The following NEBL variants were observed in gnomAD, a reference collection of about 807,000 sequenced individuals.
NEBL encodes the protein nebulette.
A neutral mutation model predicts 140.2 loss-of-function variants in NEBL; 122 were observed. The ratio of observed to expected loss-of-function variants is 0.87; its 90% CI spans 0.75 to 1.01. The LOEUF (loss-of-function observed/expected upper bound fraction) is 1.01, where lower values mean the gene tolerates loss of function less well. Among genes scored for constraint, NEBL ranks in the 50% least tolerant of loss-of-function variants. The pLI is 0.00. For synonymous variants in NEBL, 436 were observed against 398.9 expected (o/e 1.09, Z -1.11); for missense variants, 1,365 against 1,231.3 (o/e 1.11, Z -1.62).
At chr10:21,281,474 TTTTC>T (rs1330719813) in intron 1 of NEBL, among the ~76,000 whole-genome samples, 1 of 125,348 alleles carries the variant, frequency 8.0e-6, no homozygotes, top group Non-Finnish European at 1.7e-5. Context: ...TTGTCTTTCC[TTTTC>T]TTTCTTTCTT....
chr10:21,178,429 C>A (rs997963009), upstream of NEBL, among the ~76,000 whole-genome samples: 1 of 152,060 alleles, frequency 6.6e-6, no homozygotes, highest in African/African-American at 2.4e-5. Flanking sequence ...ACTCTAGATA[C>A]CATGGAAGAA....
intron 2 of NEBL, among the ~76,000 whole-genome samples, chr10:21,083,832 T>C (rs1836496268): frequency 6.6e-6 from 1 of 151,964 alleles, no homozygotes; most frequent in Non-Finnish European, 1.5e-5. Flanking sequence ...GTGACAAATG[T>C]GCAAATGTGC....
intron 4 of NEBL, among the ~76,000 whole-genome samples, chr10:20,923,628 G>A (rs1295964048): frequency 4.5e-5 from 5 of 110,880 alleles, no homozygotes; most frequent in Admixed American, 2.8e-4. Flanking sequence ...GCAGTGAGCC[G>A]AAATCATACC....
At chr10:21,223,184 A>G (rs943409900) in intron 3 of NEBL, among the ~76,000 whole-genome samples, 3 of 152,166 alleles carry the variant, frequency 2.0e-5, no homozygotes, top group African/African-American at 7.2e-5. Flanking sequence ...AATCAGTCCC[A>G]CTTTCCCCCA....
chr10:20,992,754 A>G (rs1837512133), intron 3 of NEBL, among the ~76,000 whole-genome samples: 1 of 143,996 alleles, frequency 6.9e-6, no homozygotes, highest in African/African-American at 2.6e-5. Flanking sequence ...AGTCATTTGC[A>G]ACTACAAAGT....
rs1186186502 is a variant in NEBL at position 20,783,635 on chromosome 10, C to T, written c.*2112G>A. 1 of 152,532 alleles carries T rather than the reference C, an allele frequency of 6.6e-6. No individual in the cohort carries two copies. The highest frequency in any genetic ancestry group is 1.9e-4 in the East Asian group (1 of 5,192). 9.4% of individuals were successfully genotyped at this position (152,532 alleles called of 1,614,324 possible). A position where few individuals can be genotyped will look rare whatever the true frequency, so the allele number is the denominator to read the frequency against. The stretch of plus-strand genomic sequence containing the variant: ...CCTATATTTAGTCTGAAAATTTAAT[C>T]AACAACTACTCTTTCTTATAATCAC... On this transcript the variant is annotated 3_prime_UTR_variant, in exon 28 of 28. Transcript: ENST00000377122.
At chr10:20,947,414 C>T (rs1835222790) in intron 4 of NEBL, among the ~76,000 whole-genome samples, 1 of 152,134 alleles carries the variant, frequency 6.6e-6, no homozygotes, top group African/African-American at 2.4e-5. Context: ...GTCAAACTCA[C>T]CTGCTCCCCT....
At chr10:20,865,426 A>G (rs1199894831) in intron 7 of NEBL, among the ~76,000 whole-genome samples, 4 of 152,152 alleles carry the variant, frequency 2.6e-5, no homozygotes, top group African/African-American at 9.7e-5. Flanking sequence ...TTTGTCCAAG[A>G]TCACTCTGCT....
chr10:20,958,165 T>C (rs762742554), intron 4 of NEBL, among the ~76,000 whole-genome samples: 2 of 152,038 alleles, frequency 1.3e-5, no homozygotes, highest in Non-Finnish European at 2.9e-5. Context: ...CAGAAAAGGG[T>C]GTTTCATTTT....
intron 1 of NEBL, among the ~76,000 whole-genome samples, chr10:21,289,797 G>A (rs969775902): frequency 6.6e-6 from 1 of 152,102 alleles, no homozygotes; most frequent in African/African-American, 2.4e-5. Flanking sequence ...CTAGATAGTG[G>A]GTCAGAAACT....
chr10:20,985,918 T>C (rs1837239674), intron 3 of NEBL, among the ~76,000 whole-genome samples: 1 of 152,226 alleles, frequency 6.6e-6, no homozygotes, highest in Non-Finnish European at 1.5e-5. Flanking sequence ...ATTTTCATTA[T>C]TGTTGTTATA....
rs1016462824 is a variant in NEBL at position 20,783,235 on chromosome 10, A to T, written c.*2512T>A. 2 of 152,122 alleles carry T rather than the reference A, an allele frequency of 1.3e-5. No individual in the cohort carries two copies. The highest frequency in any genetic ancestry group is 4.8e-5 in the African/African-American group (2 of 41,406). 9.4% of individuals were successfully genotyped at this position (152,122 alleles called of 1,614,324 possible). On this transcript the variant is annotated 3_prime_UTR_variant, in exon 28 of 28. Coordinates refer to ENST00000377122, the MANE Select transcript of NEBL (RefSeq NM_006393.3). ...TTGGTTTTATACATATAATTTTCCA[A>T]TATTTCTCCTGAGATGCTTAACATC... is the stretch of plus-strand genomic sequence containing the variant.
At chr10:20,807,134 G>A (rs944124160) in intron 26 of NEBL, among the ~76,000 whole-genome samples, 2 of 152,152 alleles carry the variant, frequency 1.3e-5, no homozygotes, top group African/African-American at 4.8e-5. Context: ...AGACCAGCAT[G>A]GACAACATTG....
At chr10:21,268,143 A>G (rs1842818938) in intron 1 of NEBL, among the ~76,000 whole-genome samples, 1 of 152,090 alleles carries the variant, frequency 6.6e-6, no homozygotes, top group Non-Finnish European at 1.5e-5. Flanking sequence ...GCATGTGACC[A>G]CTCAAAAGAG....
chr10:20,936,042 G>A (rs1164569724), intron 4 of NEBL, among the ~76,000 whole-genome samples: 1 of 152,126 alleles, frequency 6.6e-6, no homozygotes, highest in Admixed American at 6.5e-5. Context: ...TTGAAGACTG[G>A]AAATACTGCT....
chr10:21,057,354 CA>C (rs1835069154), intron 2 of NEBL, among the ~76,000 whole-genome samples: 1 of 151,640 alleles, frequency 6.6e-6, no homozygotes, highest in Admixed American at 6.6e-5. Context: ...AACAAAAAAG[CA>C]AGATGTGGAA....
At chr10:20,967,183 GAA>G (rs74261069) in intron 3 of NEBL, among the ~76,000 whole-genome samples, 4 of 142,242 alleles carry the variant, frequency 2.8e-5, no homozygotes, top group African/African-American at 1.0e-4. Flanking sequence ...TATTTTCAAA[GAA>G]AAAAAAAAAT....
At chr10:21,060,386 T>C (rs1436621752) in intron 2 of NEBL, among the ~76,000 whole-genome samples, 3 of 152,058 alleles carry the variant, frequency 2.0e-5, no homozygotes, top group Non-Finnish European at 4.4e-5. Context: ...TTTTAGAGAG[T>C]CCTAGAGATT....
chr10:20,830,912 TAAA>T (rs371760760), intron 16 of NEBL, among the ~76,000 whole-genome samples: 1 of 92,364 alleles, frequency 1.1e-5, no homozygotes. Context: ...CTCTAAAATT[TAAA>T]AAAAAAAAAA....
Sources: gnomAD v4.1 joint callset for allele counts (sites outside exome capture counted in the v4.1 genomes callset) on GRCh38, gnomAD v4.1.1 for gene constraint, MANE v1.5 for transcripts, NCBI Gene and HGNC (gene_info 2026-07-23, HGNC 2026-07-21) for gene names.